SYT14: variants seen among roughly 807,000 people sequenced by gnomAD.
The protein encoded by SYT14 is synaptotagmin 14.
In SYT14, 32 loss-of-function variants were observed where a neutral mutation model predicts 74.2. The observed-to-expected ratio is 0.43, with a 90% confidence interval of 0.33 to 0.58. SYT14 has a LOEUF of 0.58. Ranked by LOEUF, SYT14 falls within the 20% of genes least tolerant of loss-of-function variation. The pLI is 0.05. For synonymous variants in SYT14, 298 were observed against 337.7 expected (o/e 0.88, Z 1.29); for missense variants, 791 against 981.8 (o/e 0.81, Z 2.60).
intron 1 of SYT14, among the ~76,000 whole-genome samples, chr1:209,945,666 G>A (rs2078811046): frequency 6.6e-6 from 1 of 152,166 alleles, no homozygotes; most frequent in Non-Finnish European, 1.5e-5. Context: ...TGACCAAGAA[G>A]AAATAAGTAG....
intron 7 of SYT14, among the ~76,000 whole-genome samples, chr1:210,132,556 G>T (rs2082696601): frequency 7.6e-6 from 1 of 131,366 alleles, no homozygotes; most frequent in Admixed American, 8.2e-5. Context: ...AGATGATGAT[G>T]ATTTTATATA....
intron 7 of SYT14, among the ~76,000 whole-genome samples, chr1:210,122,220 C>T (rs2082482413): frequency 5.2e-5 from 1 of 19,112 alleles, no homozygotes; most frequent in South Asian, 1.5e-3. Flanking sequence ...CCTCGTGATC[C>T]GCCCGCCTCG....
chr1:210,104,761 T>C (rs2082128988), intron 7 of SYT14, among the ~76,000 whole-genome samples: 1 of 152,226 alleles, frequency 6.6e-6, no homozygotes, highest in Non-Finnish European at 1.5e-5. Context: ...CTCACAAACA[T>C]ACACACAACC....
At chr1:209,971,563 C>T (rs1201724584) in intron 2 of SYT14, among the ~76,000 whole-genome samples, 2 of 152,078 alleles carry the variant, frequency 1.3e-5, no homozygotes, top group Non-Finnish European at 2.9e-5. Context: ...GTTCCTTTTG[C>T]TGCCTAGTTT....
chr1:210,029,054 T>C (rs1260524179), intron 5 of SYT14, among the ~76,000 whole-genome samples: 1 of 152,200 alleles, frequency 6.6e-6, no homozygotes, highest in African/African-American at 2.4e-5. Context: ...CATGTGCTTA[T>C]TGGCTATTTG....
At chr1:210,125,932 C>T (rs1287597468) in intron 7 of SYT14, among the ~76,000 whole-genome samples, 1 of 152,204 alleles carries the variant, frequency 6.6e-6, no homozygotes, top group Non-Finnish European at 1.5e-5. Context: ...CAGCCAGGCA[C>T]GGTGGCCCAT....
At chr1:210,055,951 G>C (rs2081088222) in intron 5 of SYT14, among the ~76,000 whole-genome samples, 1 of 152,016 alleles carries the variant, frequency 6.6e-6, no homozygotes, top group Non-Finnish European at 1.5e-5. Context: ...AGAACATTTA[G>C]AAACATCATG....
intron 2 of SYT14, among the ~76,000 whole-genome samples, chr1:209,990,983 C>T (rs989536747): frequency 4.6e-5 from 7 of 152,114 alleles, no homozygotes; most frequent in Admixed American, 4.6e-4. Flanking sequence ...AAGCCCCACA[C>T]TTACAGCAAA....
intron 7 of SYT14, among the ~76,000 whole-genome samples, chr1:210,147,273 A>G (rs2102688523): frequency 6.6e-6 from 1 of 152,294 alleles, no homozygotes; most frequent in Admixed American, 6.5e-5. Context: ...TCAATGAAAA[A>G]TATGAAAAAG....
chr1:209,997,793 CT>C (rs1221483688), intron 2 of SYT14, among the ~76,000 whole-genome samples: 2 of 151,970 alleles, frequency 1.3e-5, no homozygotes, highest in Admixed American at 1.3e-4. Flanking sequence ...ATGTACCCCC[CT>C]GTATCTAAAA....
At chr1:210,162,140 A>G in exon 10 of SYT14, 1 of 439,318 alleles carries the variant, frequency 2.3e-6, no homozygotes, top group South Asian at 1.6e-5. Flanking sequence ...ATCATGTTAA[A>G]AACAGTTATG....
exon 10 of SYT14, chr1:210,162,535 AAT>A (rs1452783829): frequency 8.8e-6 from 3 of 340,948 alleles, no homozygotes; most frequent in African/African-American, 2.2e-5. Flanking sequence ...ATATATTAAA[AAT>A]AGTTTCTTTT....
At chr1:210,045,953 A>G (rs1190002415) in intron 5 of SYT14, among the ~76,000 whole-genome samples, 1 of 152,160 alleles carries the variant, frequency 6.6e-6, no homozygotes, top group African/African-American at 2.4e-5. Flanking sequence ...TATCTTGATT[A>G]TATTTGATAT....
intron 1 of SYT14, among the ~76,000 whole-genome samples, chr1:209,942,095 G>A (rs1488111893): frequency 1.3e-5 from 2 of 152,076 alleles, no homozygotes; most frequent in East Asian, 3.9e-4. Context: ...CTGAACCTGT[G>A]GATATGGGGG....
At position 210,094,219 on chromosome 1, in the gene SYT14, CA is replaced by C. The variant is rs2081927838; in HGVS notation, c.1313-101del. The C allele has an allele frequency of 8.2e-6, 12 of 1,468,780 alleles. 1 individual carries two copies. In the South Asian group the frequency reaches 1.4e-4, roughly 17 times the overall value. The allele number at this position is 1,468,780 out of a possible 1,614,324, so 91.0% of individuals were successfully genotyped here. A position where few individuals can be genotyped will look rare whatever the true frequency, so the allele number is the denominator to read the frequency against. On this transcript the variant is annotated intron_variant, in intron 5 of 9. Coordinates refer to ENST00000637265, the Ensembl canonical transcript of SYT14. ...GTAAATCTAATAGTTATGTTGCCAT[CA>C]ATTTTTTGATCCAGTTTTCAAAAGT...
At chr1:210,092,722 A>G (rs2102520425) in intron 5 of SYT14, among the ~76,000 whole-genome samples, 1 of 152,358 alleles carries the variant, frequency 6.6e-6, no homozygotes, top group South Asian at 2.1e-4. Flanking sequence ...GTTATAAACT[A>G]AAGTTAGTAC....
chr1:210,072,226 T>A (rs1479019456), intron 5 of SYT14, among the ~76,000 whole-genome samples: 3 of 151,692 alleles, frequency 2.0e-5, no homozygotes, highest in African/African-American at 7.2e-5. Context: ...ATTCCTGCCA[T>A]GTCAGTTTTC....
At chr1:209,941,300 G>C (rs544053237) in intron 1 of SYT14, among the ~76,000 whole-genome samples, 6 of 152,254 alleles carry the variant, frequency 3.9e-5, no homozygotes, top group African/African-American at 1.4e-4. Context: ...CATAATTCCA[G>C]TCAGCAGTAA....
chr1:210,123,612 C>T (rs997508891), intron 7 of SYT14, among the ~76,000 whole-genome samples: 2 of 152,148 alleles, frequency 1.3e-5, no homozygotes, highest in African/African-American at 4.8e-5. Flanking sequence ...GCAAAGATTG[C>T]CCCATACTGA....
Sources: allele counts gnomAD v4.1 joint callset (sites outside exome capture counted in the v4.1 genomes callset), GRCh38; gene constraint gnomAD v4.1.1; transcripts MANE v1.5; gene names NCBI Gene and HGNC (gene_info 2026-07-23, HGNC 2026-07-21).